NHSL1: variants seen among roughly 807,000 people sequenced by gnomAD.
NHSL1 encodes the protein NHS-like protein 1.
A neutral mutation model predicts 95.0 loss-of-function variants in NHSL1; 48 were observed. That is an observed-to-expected ratio of 0.51 (90% CI 0.40 to 0.64). The LOEUF (loss-of-function observed/expected upper bound fraction) is 0.64. NHSL1 is among the 30% of genes least tolerant of loss of function. NHSL1 has a pLI of 0.00. For synonymous variants in NHSL1, 783 were observed against 833.9 expected, an observed-to-expected ratio of 0.94 and a Z score of 1.05; for missense variants, 1,971 against 2,077.7, an observed-to-expected ratio of 0.95 and a Z score of 1.00.
At chr6:138,592,682 A>C (rs116706312) in intron 1 of NHSL1, among the ~76,000 whole-genome samples, 2 of 152,202 alleles carry the variant, frequency 1.3e-5, no homozygotes, top group African/African-American at 4.8e-5. Flanking sequence ...GTGAAAACTG[A>C]CAAGTATGCA....
chr6:138,587,941 G>C (rs1313127138), intron 1 of NHSL1, among the ~76,000 whole-genome samples: 1 of 152,264 alleles, frequency 6.6e-6, no homozygotes, highest in Non-Finnish European at 1.5e-5. Context: ...GAAGGGCTTA[G>C]AGATAATCCC....
Position 138,439,878 on chromosome 6 carries a change from G to A in NHSL1, c.664+2105C>T, listed in dbSNP as rs567307286. Among the ~76,000 whole-genome samples, 74 of 152,230 alleles carry A rather than the reference G, an allele frequency of 4.9e-4. 1 individual carries two copies. Among genetic ancestry groups the A allele is most frequent in the East Asian group, 3.7e-3 (19 of 5,180 alleles). On this transcript the variant is annotated intron_variant, in intron 5 of 7. Coordinates refer to ENST00000343505, the MANE Select transcript of NHSL1 (RefSeq NM_001144060.2). ...GTGGATTCCAGAGATTTTAATCACT[G>A]ATTTAAAAAATACTAAAATTACAAA...
intron 1 of NHSL1, among the ~76,000 whole-genome samples, chr6:138,581,063 T>C (rs542318285): frequency 6.6e-6 from 1 of 152,334 alleles, no homozygotes; most frequent in Admixed American, 6.5e-5. Context: ...AATGCAGCCC[T>C]GCCAACACTT....
intron 2 of NHSL1, 46 bp from the exon 3 acceptor site, chr6:138,473,479 G>T (rs1236207413): frequency 2.2e-6 from 3 of 1,385,380 alleles, no homozygotes; most frequent in East Asian, 5.6e-5. Flanking sequence ...TTAAAAAGCT[G>T]TACTCCTCTT....
intron 1 of NHSL1, among the ~76,000 whole-genome samples, chr6:138,569,155 G>T (rs1484599261): frequency 2.0e-5 from 3 of 152,166 alleles, no homozygotes; most frequent in African/African-American, 7.2e-5. Context: ...GCCAACCAGA[G>T]ATCCCACAGG....
chr6:138,460,695 G>A (rs1428669314), intron 3 of NHSL1, among the ~76,000 whole-genome samples: 2 of 151,764 alleles, frequency 1.3e-5, no homozygotes, highest in African/African-American at 2.4e-5. Context: ...TGGATACTGA[G>A]GGATTACTGT....
chr6:138,561,584 G>C (rs1341571635), intron 1 of NHSL1, among the ~76,000 whole-genome samples: 1 of 152,172 alleles, frequency 6.6e-6, no homozygotes, highest in African/African-American at 2.4e-5. Context: ...TTGACTTTGG[G>C]AAAGGGTCTC....
intron 1 of NHSL1, among the ~76,000 whole-genome samples, chr6:138,566,706 T>C (rs937698985): frequency 5.3e-5 from 8 of 151,266 alleles, no homozygotes; most frequent in Non-Finnish European, 1.2e-4. Context: ...ACTTCAACAA[T>C]TTAATTTGCA....
At chr6:138,530,729 G>A (rs1782098511) in intron 1 of NHSL1, among the ~76,000 whole-genome samples, 1 of 152,184 alleles carries the variant, frequency 6.6e-6, no homozygotes, top group African/African-American at 2.4e-5. Flanking sequence ...GCTACTAAGT[G>A]AGTTACCAAA....
chr6:138,518,882 G>A (rs1397188767), intron 1 of NHSL1, among the ~76,000 whole-genome samples: 2 of 152,126 alleles, frequency 1.3e-5, no homozygotes, highest in Admixed American at 1.3e-4. Context: ...GCTGGGTGTG[G>A]TGGTGCATGC....
chr6:138,431,639 G>T lies in NHSL1; in HGVS notation c.2706C>A (p.Ser902=). The T allele has an allele frequency of 6.4e-7, 1 of 1,551,584 alleles. No homozygotes were observed. Residue 902 remains serine, a synonymous_variant, in exon 6 of 8, where the codon TCC becomes TCA. Coordinates refer to ENST00000343505, the MANE Select transcript of NHSL1 (RefSeq NM_001144060.2). The surrounding 1 kb of genome is among the most constrained non-coding windows in gnomAD (Gnocchi z 4.0). ...LISSVSISSS[S]TSLSSSTSTE... The stretch of plus-strand genomic sequence containing the variant: ...TAGAAGTACTAGAAGAAAGAGAAGT[G>T]GACGATGAGGAAATGGATACTGAAG...
chr6:138,513,674 T>C (rs143901409), intron 1 of NHSL1, among the ~76,000 whole-genome samples: 227 of 152,310 alleles, frequency 1.5e-3, no homozygotes, highest in African/African-American at 5.2e-3. Flanking sequence ...GGATTGGCCT[T>C]TTACCCACTC....
chr6:138,430,842 C>A lies in NHSL1; in HGVS notation c.3503G>T (p.Ser1168Ile). The change falls in exon 6 of 8, where the codon AGC (serine) becomes ATC (isoleucine). Residue 1168 changes from serine (S) to isoleucine (I), a missense_variant. Transcript: ENST00000343505. This position sits in a 1 kb window ranked among gnomAD's most constrained non-coding sequence, Gnocchi z 4.7. ...GGGCCGAGCCTCTGCCTCCCCAGCG[C>A]TTGGAGCTCCAGGGCTGCGGCTCAC... ...GPVSRSPGAP[S>I]AGEAEARPSP... The A allele has an allele frequency of 6.4e-7, 1 of 1,550,988 alleles. No individual in the cohort carries two copies. Among genetic ancestry groups the A allele is most frequent in the Non-Finnish European group, 8.7e-7 (1 of 1,146,798 alleles).
At chr6:138,540,426 G>C (rs1782535395) in intron 1 of NHSL1, among the ~76,000 whole-genome samples, 1 of 152,174 alleles carries the variant, frequency 6.6e-6, no homozygotes, top group Admixed American at 6.5e-5. Flanking sequence ...AGGGGCTAGG[G>C]ACCTTCCAGA....
At chr6:138,467,153 T>TTA (rs1005718976) in intron 3 of NHSL1, among the ~76,000 whole-genome samples, 11 of 151,562 alleles carry the variant, frequency 7.3e-5, no homozygotes, top group South Asian at 2.1e-4. Flanking sequence ...TTATTTTATT[T>TTA]TATATATATA....
At chr6:138,468,879 T>G (rs983447473) in intron 3 of NHSL1, among the ~76,000 whole-genome samples, 1 of 152,222 alleles carries the variant, frequency 6.6e-6, no homozygotes, top group African/African-American at 2.4e-5. Context: ...CCCCGTGAAA[T>G]CAAAGCTCCA....
At position 138,439,275 on chromosome 6, in the gene NHSL1, C is replaced by A. The variant is rs115757448; in HGVS notation, c.664+2708G>T. 9.2e-3 allele frequency among the ~76,000 whole-genome samples: 1,403 copies of A among 152,270 alleles called. 14 individuals carry two copies. Among genetic ancestry groups the A allele is most frequent in the African/African-American group, 0.033 (1,354 of 41,558 alleles). On this transcript the variant is annotated intron_variant, in intron 5 of 7. Coordinates refer to ENST00000343505, the MANE Select transcript of NHSL1 (RefSeq NM_001144060.2). ...CAGGGTGCATCTTTCCCAGTGAATGCCTTTCCTTTGGGACATCATTTTCTT... is the reference window on the plus strand; with the variant it reads ...CAGGGTGCATCTTTCCCAGTGAATGACTTTCCTTTGGGACATCATTTTCTT...
At chr6:138,460,173 C>T (rs1443082120) in intron 3 of NHSL1, among the ~76,000 whole-genome samples, 1 of 152,182 alleles carries the variant, frequency 6.6e-6, no homozygotes, top group Admixed American at 6.5e-5. Flanking sequence ...CCAACATACA[C>T]AAGACCATCT....
intron 1 of NHSL1, among the ~76,000 whole-genome samples, chr6:138,628,815 T>C (rs1416085037): frequency 6.6e-6 from 1 of 152,232 alleles, no homozygotes; most frequent in East Asian, 1.9e-4. Flanking sequence ...TAAAATTTAT[T>C]TGAAACCACG....
Sources: allele counts gnomAD v4.1 joint callset (sites outside exome capture counted in the v4.1 genomes callset), GRCh38; gene constraint gnomAD v4.1.1; non-coding constraint Gnocchi (gnomAD v3.1); transcripts MANE v1.5; gene names NCBI Gene and HGNC (gene_info 2026-07-23, HGNC 2026-07-21).